LYN: variants seen among roughly 807,000 people sequenced by gnomAD.
LYN encodes tyrosine-protein kinase Lyn.
A neutral mutation model predicts 65.0 loss-of-function variants in LYN; 12 were observed. The ratio of observed to expected loss-of-function variants is 0.18; its 90% confidence interval spans 0.12 to 0.30. LYN has a LOEUF of 0.30. LYN is among the 10% of genes least tolerant of loss of function. The probability of loss-of-function intolerance (pLI) is 1.00; values close to 1 mark genes in which losing one functional copy is unlikely to be tolerated. For missense variants in LYN, 380 were observed against 623.2 expected (o/e 0.61, Z 4.16); for synonymous variants, 222 against 221.2 (o/e 1.00, Z -0.03).
At chr8:55,979,293 C>G (rs940800011) in intron 10 of LYN, among the ~76,000 whole-genome samples, 1 of 152,170 alleles carries the variant, frequency 6.6e-6, no homozygotes, top group Non-Finnish European at 1.5e-5. Context: ...CCACCCGCCT[C>G]GGCCTCCCAA....
chr8:55,937,242 A>C (rs1806461264), intron 1 of LYN, among the ~76,000 whole-genome samples: 1 of 152,136 alleles, frequency 6.6e-6, no homozygotes, highest in Non-Finnish European at 1.5e-5. Context: ...GTCCTCTTAG[A>C]TTTTTTTCCT....
At chr8:55,990,173 A>G (rs1320284268) in intron 10 of LYN, among the ~76,000 whole-genome samples, 1 of 126,612 alleles carries the variant, frequency 7.9e-6, no homozygotes, top group African/African-American at 3.1e-5. Context: ...CAGGAGGTGG[A>G]GGTTGCAGTG....
rs188202593 is a variant in LYN at position 55,931,195 on chromosome 8, C to T, written c.-5-10660C>T. Among the ~76,000 whole-genome samples, 1,400 of 146,722 alleles carry T rather than the reference C, an allele frequency of 9.5e-3. 6 individuals carry two copies. Among genetic ancestry groups the T allele is most frequent in the Non-Finnish European group, 0.016 (1,058 of 66,968 alleles). ...ATATTTTAAAATATAATATGTAACT[C>T]GTACATAGCACATATTATATGTAAT... On this transcript the variant is annotated intron_variant, in intron 1 of 12. Transcript: ENST00000519728.
chr8:55,912,492 A>AGGCAAGCGG (rs1267541987), intron 1 of LYN, among the ~76,000 whole-genome samples: 1 of 152,182 alleles, frequency 6.6e-6, no homozygotes, highest in Non-Finnish European at 1.5e-5. Context: ...TGGGAGGTCG[A>AGGCAAGCGG]GGCAAGCGGA....
rs763145713 is a variant in LYN, at chr8:55,947,636, A to T, written c.197A>T (p.Asp66Val). ...TCTTTAGATCCAGAGGAACAAGGAG[A>T]CATTGTGGTAGCCTTGTACCCCTAT... ...FQTKDPEEQG[D>V]IVVALYPYDG... The change falls in exon 4 of 13, where the codon GAC becomes GTC. Residue 66 changes from aspartate to valine, a missense_variant. By Grantham distance (152) the Asp-to-Val change is radical. Coordinates refer to ENST00000519728, the MANE Select transcript of LYN (RefSeq NM_002350.4). 302 of 1,612,726 alleles carry T rather than the reference A, an allele frequency of 1.9e-4. No individual in the cohort carries two copies. The highest frequency in any genetic ancestry group is 2.5e-4 in the Non-Finnish European group (296 of 1,178,816).
chr8:55,940,757 G>T (rs1042687979), intron 1 of LYN, among the ~76,000 whole-genome samples: 15 of 152,194 alleles, frequency 9.9e-5, no homozygotes, highest in African/African-American at 3.6e-4. Flanking sequence ...CACCTTTGCA[G>T]TCCCCAGAGT....
intron 10 of LYN, among the ~76,000 whole-genome samples, chr8:55,986,048 G>C (rs1177250823): frequency 6.6e-6 from 1 of 151,942 alleles, no homozygotes; most frequent in Non-Finnish European, 1.5e-5. Flanking sequence ...GAGCACCTGT[G>C]GTCCCAGTTA....
intron 12 of LYN, among the ~76,000 whole-genome samples, chr8:56,004,773 C>T (rs1808628905): frequency 6.6e-6 from 1 of 151,860 alleles, no homozygotes; most frequent in Admixed American, 6.6e-5. Context: ...GATATGGCCA[C>T]ATACTTTTAT....
intron 1 of LYN, among the ~76,000 whole-genome samples, chr8:55,934,152 G>C (rs968702425): frequency 1.3e-5 from 2 of 152,180 alleles, no homozygotes; most frequent in Non-Finnish European, 2.9e-5. Flanking sequence ...CTTGAACCCA[G>C]GAGGCAGAGG....
chr8:55,974,685 CTCT>C (rs1409378710), intron 10 of LYN, among the ~76,000 whole-genome samples: 3 of 152,126 alleles, frequency 2.0e-5, no homozygotes, highest in African/African-American at 4.8e-5. Context: ...CAAAGTGGGT[CTCT>C]TCTTCTGTCT....
intron 1 of LYN, among the ~76,000 whole-genome samples, chr8:55,898,167 A>G (rs556024100): frequency 1.2e-4 from 19 of 152,202 alleles, no homozygotes; most frequent in African/African-American, 2.2e-4. Context: ...CCCCAGCCCA[A>G]TGCCTGGCAA....
At chr8:55,970,472 T>C (rs1807581295) in intron 10 of LYN, among the ~76,000 whole-genome samples, 1 of 152,178 alleles carries the variant, frequency 6.6e-6, no homozygotes, top group South Asian at 2.1e-4. Flanking sequence ...TTTCATTGTG[T>C]CCATTAGTAA....
chr8:55,973,714 T>C (rs982464129), intron 10 of LYN, among the ~76,000 whole-genome samples: 2 of 152,236 alleles, frequency 1.3e-5, no homozygotes, highest in Admixed American at 1.3e-4. Flanking sequence ...TATTACTCTT[T>C]GGTGGCGGTA....
At chr8:56,007,857 C>T (rs1343055596) in intron 12 of LYN, among the ~76,000 whole-genome samples, 2 of 152,064 alleles carry the variant, frequency 1.3e-5, no homozygotes, top group Admixed American at 6.6e-5. Flanking sequence ...CAGTGGCTCC[C>T]GCTTTTAATC....
chr8:55,944,782 GTT>G (rs914546151), intron 2 of LYN, among the ~76,000 whole-genome samples: 1 of 152,128 alleles, frequency 6.6e-6, no homozygotes, highest in African/African-American at 2.4e-5. Flanking sequence ...CACCCAGCCT[GTT>G]TTTTGTTTTT....
At position 55,999,927 on chromosome 8, in the gene LYN, C is replaced by T. The variant is rs558800593; in HGVS notation, c.1336+378C>T. ...TGGAGGTTGCAGTGAGCTGAGATCGCGCCATTCCACTCCAGCCTACACGAC... is the reference window on the plus strand; with the variant it reads ...TGGAGGTTGCAGTGAGCTGAGATCGTGCCATTCCACTCCAGCCTACACGAC... On this transcript the variant is annotated intron_variant, in intron 12 of 12. Coordinates refer to ENST00000519728, the MANE Select transcript of LYN (RefSeq NM_002350.4). Among the ~76,000 whole-genome samples, 14 of 151,110 alleles carry T rather than the reference C, an allele frequency of 9.3e-5. 1 individual carries two copies. In the South Asian group the frequency reaches 1.3e-3, roughly 14 times the overall value.
chr8:55,966,219 T>A lies in LYN; in HGVS notation c.791-496T>A, dbSNP rs374721362. ...TAGAAACCTTTTGATTTTTGAATAA[T>A]TTAAACATTTTTTGGTAAAGAAAGA... On this transcript the variant is annotated intron_variant, in intron 8 of 12. Transcript: ENST00000519728. 1.4e-4 allele frequency among the ~76,000 whole-genome samples: 21 copies of A among 152,304 alleles called. No homozygotes were observed. In the South Asian group the frequency reaches 2.1e-3, roughly 15 times the overall value.
At chr8:55,998,297 C>G (rs1413705429) in intron 10 of LYN, 49 bp from the exon 11 acceptor site, 2 of 1,506,402 alleles carry the variant, frequency 1.3e-6, no homozygotes, top group Non-Finnish European at 1.8e-6. Flanking sequence ...ATGGCACTTT[C>G]CAGTCACCTA....
intron 10 of LYN, among the ~76,000 whole-genome samples, chr8:55,978,005 T>A (rs17812677): frequency 0.2 from 30,803 of 152,052 alleles, 3,427 homozygotes; most frequent in Middle Eastern, 0.26. Context: ...CTTTTTCAAT[T>A]CAGAGCTAGA....
Sources: gnomAD v4.1 joint callset for allele counts (sites outside exome capture counted in the v4.1 genomes callset) on GRCh38, gnomAD v4.1.1 for gene constraint, MANE v1.5 for transcripts, NCBI Gene and HGNC (gene_info 2026-07-23, HGNC 2026-07-21) for gene names.